CACNA1D: variants seen among roughly 807,000 people sequenced by gnomAD.
The protein encoded by CACNA1D is voltage-dependent L-type calcium channel subunit alpha-1D.
CACNA1D carries 55 observed loss-of-function variants against 257.1 expected under a neutral mutation model. That is an observed-to-expected ratio of 0.21 (90% CI 0.17 to 0.27). CACNA1D has a LOEUF of 0.27. Ranked by LOEUF, CACNA1D falls within the 10% of genes least tolerant of loss-of-function variation. The pLI is 1.00. For synonymous variants in CACNA1D, 980 were observed against 1,014.9 expected (o/e 0.97, Z 0.65); for missense variants, 1,876 against 2,784.0 (o/e 0.67, Z 7.34).
intron 3 of CACNA1D, among the ~76,000 whole-genome samples, chr3:53,559,714 T>G (rs1350057030): frequency 6.6e-6 from 1 of 152,186 alleles, no homozygotes; most frequent in Non-Finnish European, 1.5e-5. Flanking sequence ...AATATGCCCC[T>G]TTGTGATGTA....
intron 3 of CACNA1D, among the ~76,000 whole-genome samples, chr3:53,586,276 CTGTG>C (rs57318445): frequency 0.022 from 3,008 of 135,930 alleles, 43 homozygotes; most frequent in African/African-American, 0.041. Flanking sequence ...TGCCTCTATT[CTGTG>C]TGTGTGTGTG....
chr3:53,725,523 C>G (rs115789321), intron 14 of CACNA1D, among the ~76,000 whole-genome samples: 1 of 152,140 alleles, frequency 6.6e-6, no homozygotes, highest in Non-Finnish European at 1.5e-5. Flanking sequence ...TGTTGACACA[C>G]GTGCCCAAGT....
intron 3 of CACNA1D, among the ~76,000 whole-genome samples, chr3:53,605,760 C>A (rs2093501864): frequency 6.6e-6 from 1 of 152,218 alleles, no homozygotes. Context: ...TCTGTTCTCC[C>A]CTTCCAGAGA....
At chr3:53,702,856 G>T (rs145880347) in intron 9 of CACNA1D, 46 bp downstream of exon 9, 3 of 1,607,224 alleles carry the variant, frequency 1.9e-6, no homozygotes, top group South Asian at 2.2e-5. Context: ...CCCAGTGTGC[G>T]GTTCAGACGC....
At position 53,774,673 on chromosome 3, in the gene CACNA1D, C is replaced by T. The variant is rs963395601; in HGVS notation, c.4197C>T (p.Leu1399=). ...CGTTTCCCCAGGCGGTGCTGCTGCT[C>T]TTCAGGTGACTGCAACTGGCTTGGG... is the stretch of plus-strand genomic sequence containing the variant. ...FQTFPQAVLL[L]FRCATGEAWQ... The change falls in exon 34 of 48, where the codon CTC becomes CTT. Residue 1399 remains leucine (L), a synonymous_variant. Coordinates refer to ENST00000350061, the MANE Select transcript of CACNA1D (RefSeq NM_001128840.3). This position sits in a 1 kb window ranked among gnomAD's most constrained non-coding sequence, Gnocchi z 4.3. 1.2e-6 allele frequency: 2 copies of T among 1,602,396 alleles called. No homozygotes were observed. Among genetic ancestry groups the T allele is most frequent in the Admixed American group, 1.7e-5 (1 of 60,004 alleles).
intron 3 of CACNA1D, among the ~76,000 whole-genome samples, chr3:53,522,716 G>A (rs1199259786): frequency 5.3e-5 from 8 of 152,174 alleles, no homozygotes; most frequent in Non-Finnish European, 2.9e-5. Context: ...TGCCTGTAAG[G>A]TGTAATGATC....
rs550082508 is a variant in CACNA1D, at chr3:53,757,887, C to T, written c.3787-4111C>T. Among the ~76,000 whole-genome samples, 7 of 152,326 alleles carry T rather than the reference C, an allele frequency of 4.6e-5. No homozygotes were observed. In the South Asian group the frequency reaches 1.0e-3, roughly 23 times the overall value. Reference sequence around the variant, plus strand: ...CAGCCCTGTCCTCTGCTCATGCATCCGTTGGGGGCCTACTATGCACCATCG... The same window carrying T: ...CAGCCCTGTCCTCTGCTCATGCATCTGTTGGGGGCCTACTATGCACCATCG... On this transcript the variant is annotated intron_variant, in intron 29 of 47. Transcript: ENST00000350061.
chr3:53,719,027 G>A (rs2094852880), intron 10 of CACNA1D, among the ~76,000 whole-genome samples: 1 of 152,050 alleles, frequency 6.6e-6, no homozygotes, highest in African/African-American at 2.4e-5. Context: ...GCAGCTGGCG[G>A]GGGGGCTGGG....
At chr3:53,588,677 A>G (rs145523932) in intron 3 of CACNA1D, among the ~76,000 whole-genome samples, 342 of 152,234 alleles carry the variant, frequency 2.2e-3, no homozygotes, top group African/African-American at 7.5e-3. Flanking sequence ...GCACTACAGG[A>G]CTGGCTAGCT....
rs1169933415 is a variant in CACNA1D at position 53,789,852 on chromosome 3, C to G, written c.4923+2900C>G. Reference sequence around the variant, plus strand: ...CATATACGCACTGTGGTTTTGAACCCTGTGGGCTCCATCTGATCTCCCTGT... The same window carrying G: ...CATATACGCACTGTGGTTTTGAACCGTGTGGGCTCCATCTGATCTCCCTGT... On this transcript the variant is annotated intron_variant, in intron 40 of 47. Coordinates refer to ENST00000350061, the MANE Select transcript of CACNA1D (RefSeq NM_001128840.3). This position sits in a 1 kb window ranked among gnomAD's most constrained non-coding sequence, Gnocchi z 4.2. 6.6e-6 allele frequency among the ~76,000 whole-genome samples: 1 copy of G among 152,206 alleles called. No homozygotes were observed. Among genetic ancestry groups the G allele is most frequent in the Non-Finnish European group, 1.5e-5 (1 of 68,032 alleles).
At chr3:53,658,256 TC>T (rs1285996307) in intron 4 of CACNA1D, among the ~76,000 whole-genome samples, 1 of 151,504 alleles carries the variant, frequency 6.6e-6, no homozygotes, top group Non-Finnish European at 1.5e-5. Flanking sequence ...AGTGGAAAGG[TC>T]ATTCTCTGAG....
intron 3 of CACNA1D, among the ~76,000 whole-genome samples, chr3:53,629,682 C>T (rs2093800831): frequency 6.6e-6 from 1 of 152,186 alleles, no homozygotes; most frequent in Admixed American, 6.5e-5. Context: ...CCCCCCAGCA[C>T]ACAATGCTGC....
intron 3 of CACNA1D, among the ~76,000 whole-genome samples, chr3:53,629,501 A>G (rs1422573074): frequency 6.6e-6 from 1 of 152,200 alleles, no homozygotes; most frequent in Non-Finnish European, 1.5e-5. Context: ...GGTGAAGGGG[A>G]GGAGTTAGCA....
At chr3:53,648,387 G>A (rs1450684538) in intron 3 of CACNA1D, among the ~76,000 whole-genome samples, 3 of 152,160 alleles carry the variant, frequency 2.0e-5, no homozygotes, top group African/African-American at 7.2e-5. Context: ...GCCTCTGGTT[G>A]AAGTAACAGA....
At chr3:53,627,662 G>C (rs918028859) in intron 3 of CACNA1D, among the ~76,000 whole-genome samples, 1 of 151,850 alleles carries the variant, frequency 6.6e-6, no homozygotes, top group Non-Finnish European at 1.5e-5. Flanking sequence ...TAAAGGGCTG[G>C]CTTAGTGAGC....
At chr3:53,694,614 C>G (rs1342705909) in intron 8 of CACNA1D, among the ~76,000 whole-genome samples, 2 of 152,208 alleles carry the variant, frequency 1.3e-5, no homozygotes, top group Non-Finnish European at 2.9e-5. Context: ...AAATCCTCCT[C>G]CTGCCTCTTC....
At chr3:53,668,076 A>T (rs2094286664) in intron 7 of CACNA1D, among the ~76,000 whole-genome samples, 2 of 152,130 alleles carry the variant, frequency 1.3e-5, no homozygotes, top group Non-Finnish European at 2.9e-5. Context: ...TCATAAATAG[A>T]AAAAGCATCA....
At chr3:53,798,340 T>TGTGTGTGTGTGTGTGCGTGTGTGTGC (rs2095518598) in intron 40 of CACNA1D, among the ~76,000 whole-genome samples, 2 of 142,168 alleles carry the variant, frequency 1.4e-5, no homozygotes, top group African/African-American at 6.2e-5. Context: ...TGTGTGTGCG[T>TGTGTGTGTGTGTGTGCGTGTGTGTGC]GTGTGTGTGC....
At chr3:53,519,315 T>C (rs551342014) in intron 3 of CACNA1D, among the ~76,000 whole-genome samples, 1 of 152,358 alleles carries the variant, frequency 6.6e-6, no homozygotes, top group East Asian at 1.9e-4. Flanking sequence ...TATGTAAGTT[T>C]CTGCTTTTTT....
Sources: allele counts gnomAD v4.1 joint callset (sites outside exome capture counted in the v4.1 genomes callset), GRCh38; gene constraint gnomAD v4.1.1; non-coding constraint Gnocchi (gnomAD v3.1); transcripts MANE v1.5; gene names NCBI Gene and HGNC (gene_info 2026-07-23, HGNC 2026-07-21).